CFAP47: variants seen among roughly 807,000 people sequenced by gnomAD.
CFAP47 encodes the protein cilia- and flagella-associated protein 47.
A neutral mutation model predicts 148.1 loss-of-function variants in CFAP47; 29 were observed. The ratio of observed to expected loss-of-function variants is 0.20; its 90% CI spans 0.15 to 0.27. The LOEUF is 0.27. Among genes scored for constraint, CFAP47 ranks in the 10% least tolerant of loss-of-function variants. The pLI, the probability that CFAP47 is intolerant of heterozygous loss-of-function variation, is 1.00. For missense variants in CFAP47, 1,872 were observed against 1,697.5 expected, an observed-to-expected ratio of 1.10 and a Z score of -1.81; for synonymous variants, 664 against 577.3, an observed-to-expected ratio of 1.15 and a Z score of -2.15.
chrX:36,153,620 C>T (rs1378665229), intron 37 of CFAP47, among the ~76,000 whole-genome samples: 3 of 112,561 alleles, frequency 2.7e-5, no homozygotes, highest in African/African-American at 9.7e-5. Flanking sequence ...TGGCAATTCT[C>T]TAACTGAACC....
chrX:36,319,358 A>ATTATCTCT, intron 57 of CFAP47, 51 bp downstream of exon 57: 1 of 560,215 alleles, frequency 1.8e-6, no homozygotes, highest in Non-Finnish European at 2.7e-6. Flanking sequence ...GTTGCATTTC[A>ATTATCTCT]GAGATAATGA....
At chrX:36,098,999 T>G (rs890485023) in intron 31 of CFAP47, 125 bp downstream of exon 31, 1 of 317,415 alleles carries the variant, frequency 3.2e-6, no homozygotes, top group Non-Finnish European at 5.6e-6. Flanking sequence ...ATTAGGATCA[T>G]AATTTTTGGA....
chrX:35,970,073 C>G (rs1936467020), intron 10 of CFAP47, among the ~76,000 whole-genome samples: 1 of 91,552 alleles, frequency 1.1e-5, no homozygotes. Context: ...TCCCCCCATA[C>G]TTACGTTTTA....
At chrX:36,101,149 G>C (rs1938369469) in intron 32 of CFAP47, among the ~76,000 whole-genome samples, 1 of 111,829 alleles carries the variant, frequency 8.9e-6, no homozygotes, top group East Asian at 2.8e-4. Context: ...GTTAATGCTG[G>C]AAATATGATC....
intron 49 of CFAP47, among the ~76,000 whole-genome samples, chrX:36,262,097 G>A (rs73199328): frequency 0.063 from 7,100 of 111,855 alleles, 215 homozygotes; most frequent in Middle Eastern, 0.14. Flanking sequence ...ATTATTGTGG[G>A]TACATAGTAG....
At chrX:36,318,820 A>G (rs1349069134) in intron 56 of CFAP47, among the ~76,000 whole-genome samples, 1 of 111,178 alleles carries the variant, frequency 9.0e-6, no homozygotes, top group Non-Finnish European at 1.9e-5. Context: ...CTGCTTGTTG[A>G]GTAGTTCAAA....
Position 36,283,194 on chromosome X carries a change from G to A in CFAP47, c.7589-2435G>A, listed in dbSNP as rs782354311. On this transcript the variant is annotated intron_variant, in intron 50 of 63. Transcript: ENST00000378653. ...GAACTTTCATTTTCATACTATTCAG[G>A]AATTTCTAAAATCACTATAGTGAAT... 1.4e-4 allele frequency among the ~76,000 whole-genome samples: 16 copies of A among 111,212 alleles called. No homozygotes were observed. The South Asian group carries it at 6.0e-3, about 42-fold the overall frequency.
chrX:36,131,045 T>G (rs924495828), intron 33 of CFAP47, among the ~76,000 whole-genome samples: 2 of 110,526 alleles, frequency 1.8e-5, no homozygotes, highest in Admixed American at 1.9e-4. Flanking sequence ...CAATAACAAC[T>G]GTACTTGTTA....
chrX:36,027,713 A>G (rs1937235930), intron 22 of CFAP47, among the ~76,000 whole-genome samples: 1 of 111,409 alleles, frequency 9.0e-6, no homozygotes, highest in Admixed American at 9.5e-5. Context: ...TGCAATTTTT[A>G]GTTCTTTGGG....
chrX:35,980,908 C>T (rs1335459778), intron 15 of CFAP47, among the ~76,000 whole-genome samples: 1 of 110,168 alleles, frequency 9.1e-6, no homozygotes. Context: ...GACAATAAGA[C>T]GTTTAATATC....
rs12392027 is a variant in CFAP47 at position 36,371,740 on chromosome X, A to G, written c.9185+4613A>G. ...TGTATATACACACATGTGTGTATAT[A>G]TGTGTGTATATACACACATGTGTGT... On this transcript the variant is annotated intron_variant, in intron 62 of 63. Transcript: ENST00000378653. Among the ~76,000 whole-genome samples the G allele has an allele frequency of 3.5e-4, 18 of 51,440 alleles. 2 individuals are homozygous for G. Among genetic ancestry groups the G allele is most frequent in the South Asian group, 1.3e-3 (1 of 792 alleles). 44.7% of individuals were successfully genotyped at this position (51,440 alleles called of 115,157 possible). A position where few individuals can be genotyped will look rare whatever the true frequency, so the allele number is the denominator to read the frequency against.
At chrX:36,268,178 T>TCAC (rs1940917489) in intron 49 of CFAP47, among the ~76,000 whole-genome samples, 1 of 113,627 alleles carries the variant, frequency 8.8e-6, no homozygotes, top group African/African-American at 3.2e-5. Context: ...TCCAGGCCAA[T>TCAC]TTCTGGCATA....
At chrX:36,379,647 TATCTC>T (rs2147007584) in intron 63 of CFAP47, 129 bp downstream of exon 63, 8 of 521,881 alleles carry the variant, frequency 1.5e-5, no homozygotes, top group Non-Finnish European at 1.9e-5. Flanking sequence ...AAAATCAACT[TATCTC>T]AACTGCTACA....
intron 56 of CFAP47, among the ~76,000 whole-genome samples, chrX:36,316,346 G>T (rs1941433340): frequency 8.9e-6 from 1 of 112,274 alleles, no homozygotes; most frequent in African/African-American, 3.2e-5. Flanking sequence ...ACTGTGTTGT[G>T]ATGTCATTTA....
intron 50 of CFAP47, among the ~76,000 whole-genome samples, chrX:36,282,575 A>G (rs1556003829): frequency 1.8e-5 from 2 of 111,459 alleles, no homozygotes; most frequent in African/African-American, 6.5e-5. Flanking sequence ...CTTTTCCCCT[A>G]TAATAACATG....
chrX:36,269,614 A>G (rs1438078207), intron 49 of CFAP47, among the ~76,000 whole-genome samples: 3 of 112,454 alleles, frequency 2.7e-5, no homozygotes, highest in Admixed American at 9.4e-5. Flanking sequence ...AGGGATGGGC[A>G]TAATTTCTGA....
chrX:36,253,240 T>G (rs2146924527), intron 49 of CFAP47, among the ~76,000 whole-genome samples: 1 of 112,040 alleles, frequency 8.9e-6, no homozygotes, highest in African/African-American at 3.2e-5. Flanking sequence ...ACAAACCATT[T>G]TACAGGCTTC....
chrX:36,357,622 T>C (rs1245302707), intron 60 of CFAP47, among the ~76,000 whole-genome samples: 1 of 112,082 alleles, frequency 8.9e-6, no homozygotes, highest in Non-Finnish European at 1.9e-5. Flanking sequence ...TTTACATCAA[T>C]TGGTATTGTC....
At chrX:36,070,227 C>T (rs181518363) in intron 27 of CFAP47, among the ~76,000 whole-genome samples, 21 of 112,035 alleles carry the variant, frequency 1.9e-4, no homozygotes, top group African/African-American at 6.8e-4. Context: ...AACTCATGAG[C>T]TCAGAAACTT....
Sources: gnomAD v4.1 joint callset for allele counts (sites outside exome capture counted in the v4.1 genomes callset) on GRCh38, gnomAD v4.1.1 for gene constraint, MANE v1.5 for transcripts, NCBI Gene and HGNC (gene_info 2026-07-23, HGNC 2026-07-21) for gene names.